The following UEVLD variants were observed in gnomAD, a reference collection of about 807,000 sequenced individuals.
The protein encoded by UEVLD is UEV and lactate/malate dehyrogenase domains.
A neutral mutation model predicts 58.6 loss-of-function variants in UEVLD; 47 were observed. The ratio of observed to expected loss-of-function variants is 0.80; its 90% CI spans 0.63 to 1.02. UEVLD has a LOEUF of 1.02. UEVLD is among the 50% of genes least tolerant of loss of function. The probability of loss-of-function intolerance (pLI) is 0.00; values close to 1 mark genes in which losing one functional copy is unlikely to be tolerated. For missense variants in UEVLD, 510 were observed against 550.6 expected (o/e 0.93, Z 0.74); for synonymous variants, 197 against 195.3 (o/e 1.01, Z -0.07).
chr11:18,546,918 T>A lies in UEVLD; in HGVS notation c.848A>T (p.Tyr283Phe). 6.2e-7 allele frequency: 1 copy of A among 1,613,914 alleles called. No individual in the cohort carries two copies. The highest frequency in any genetic ancestry group is 2.2e-5 in the East Asian group (1 of 44,880). The change falls in exon 8 of 12, where the codon TAT (tyrosine) becomes TTT (phenylalanine). Residue 283 changes from tyrosine to phenylalanine, a missense_variant. Physicochemically the swap from Tyr to Phe is conservative, Grantham distance 22. Coordinates refer to ENST00000396197, the MANE Select transcript of UEVLD (RefSeq NM_001040697.4). Reference sequence around the variant, plus strand: ...AACGAGCAGGACACTGTGTTGACTATAATGTCCCAGAGCTGGGACAAGGGC... The same window carrying A: ...AACGAGCAGGACACTGTGTTGACTAAAATGTCCCAGAGCTGGGACAAGGGC... ...FRALVPALGHYSQHSVLLVAS... is the reference protein window; with the variant it reads ...FRALVPALGHFSQHSVLLVAS...
Position 18,532,404 on chromosome 11 carries a change from G to C in UEVLD, c.1332C>G (p.Thr444=), listed in dbSNP as rs1012447596. ...GTNGVSEVIK[T]TLKEDTVTEK... is the part of the protein sequence containing the mutation. ...CAGTAACTGTATCTTCTTTCAGTGT[G>C]GTTTTGATAACTTCAGATACTCCAT... Residue 444 remains threonine (T), a synonymous_variant, in exon 12 of 12, where the codon ACC becomes ACG. Transcript: ENST00000396197. The C allele has an allele frequency of 6.2e-7, 1 of 1,613,346 alleles. No individual in the cohort carries two copies. The highest frequency in any genetic ancestry group is 1.3e-5 in the African/African-American group (1 of 74,960).
intron 3 of UEVLD, 92 bp from the exon 4 acceptor site, chr11:18,570,469 G>A (rs1010575591): frequency 8.1e-7 from 1 of 1,232,580 alleles, no homozygotes. Flanking sequence ...TGAGTAGGCT[G>A]GGGTGGTGGC....
intron 1 of UEVLD, among the ~76,000 whole-genome samples, chr11:18,586,988 C>A (rs761595340): frequency 6.6e-6 from 1 of 152,192 alleles, no homozygotes; most frequent in Non-Finnish European, 1.5e-5. Flanking sequence ...GCAGAGATCG[C>A]GCCACTGCAC....
At chr11:18,541,054 T>C (rs935598643) in intron 9 of UEVLD, among the ~76,000 whole-genome samples, 2 of 152,244 alleles carry the variant, frequency 1.3e-5, no homozygotes, top group African/African-American at 2.4e-5. Flanking sequence ...TTCTATTAGA[T>C]TGTTTTTTTC....
At chr11:18,563,103 C>CAAAAAA (rs111514140) in intron 6 of UEVLD, among the ~76,000 whole-genome samples, 14 of 119,946 alleles carry the variant, frequency 1.2e-4, no homozygotes, top group African/African-American at 3.3e-4. Flanking sequence ...TTGTGCTTAC[C>CAAAAAA]AAAAAAAAAA....
intron 9 of UEVLD, among the ~76,000 whole-genome samples, chr11:18,542,226 G>T (rs1160341446): frequency 6.6e-6 from 1 of 152,120 alleles, no homozygotes; most frequent in Non-Finnish European, 1.5e-5. Context: ...GACTAGAGGG[G>T]AAGAGGCAAA....
At chr11:18,540,750 G>C (rs1851017931) in intron 9 of UEVLD, among the ~76,000 whole-genome samples, 1 of 152,170 alleles carries the variant, frequency 6.6e-6, no homozygotes, top group African/African-American at 2.4e-5. Context: ...CCTCAAGACA[G>C]AATTACCACA....
chr11:18,568,736 GA>G (rs1852426871), intron 4 of UEVLD, among the ~76,000 whole-genome samples: 1 of 151,288 alleles, frequency 6.6e-6, no homozygotes, highest in Admixed American at 6.6e-5. Context: ...TAAAAATATA[GA>G]AAACCATAAA....
At chr11:18,565,189 T>C (rs1361424503) in intron 5 of UEVLD, among the ~76,000 whole-genome samples, 179 bp from the exon 6 acceptor site, 1 of 152,216 alleles carries the variant, frequency 6.6e-6, no homozygotes, top group African/African-American at 2.4e-5. Flanking sequence ...TCCTATTAAA[T>C]AGTCGACTAA....
At chr11:18,545,070 C>CTATA (rs1554976327) in intron 8 of UEVLD, among the ~76,000 whole-genome samples, 5 of 103,472 alleles carry the variant, frequency 4.8e-5, no homozygotes, top group Non-Finnish European at 1.1e-4. Context: ...ATATCTATAT[C>CTATA]TATATTTTTT....
chr11:18,543,749 AAG>A (rs1851166006), intron 9 of UEVLD, among the ~76,000 whole-genome samples: 1 of 152,238 alleles, frequency 6.6e-6, no homozygotes, highest in African/African-American at 2.4e-5. Flanking sequence ...GAAACAATAA[AAG>A]AGTAAGGGAA....
At chr11:18,547,129 T>G in intron 7 of UEVLD, 79 bp from the exon 8 acceptor site, 1 of 1,451,012 alleles carries the variant, frequency 6.9e-7, no homozygotes, top group Non-Finnish European at 9.2e-7. Flanking sequence ...AAGGTTGTTC[T>G]TTTCAACAAA....
intron 1 of UEVLD, among the ~76,000 whole-genome samples, chr11:18,581,336 G>A (rs1484595116): frequency 6.6e-6 from 1 of 152,072 alleles, no homozygotes; most frequent in Non-Finnish European, 1.5e-5. Context: ...TTAGAGAAAG[G>A]CCTCTGGAGA....
chr11:18,561,698 C>G (rs1029660395), intron 6 of UEVLD, among the ~76,000 whole-genome samples: 7 of 151,884 alleles, frequency 4.6e-5, no homozygotes. Context: ...AAAAATTACC[C>G]AGGTGTGGTG....
intron 7 of UEVLD, among the ~76,000 whole-genome samples, chr11:18,551,804 A>G (rs943914181): frequency 4.6e-5 from 7 of 152,218 alleles, no homozygotes; most frequent in African/African-American, 1.7e-4. Flanking sequence ...AACCTAAACC[A>G]AAGGCTGGTC....
At chr11:18,561,726 T>C (rs1200735157) in intron 6 of UEVLD, among the ~76,000 whole-genome samples, 2 of 150,738 alleles carry the variant, frequency 1.3e-5, no homozygotes, top group Non-Finnish European at 1.5e-5. Context: ...CCTGTAATCT[T>C]AGGCTAAGGA....
intron 10 of UEVLD, among the ~76,000 whole-genome samples, chr11:18,536,163 C>T (rs1052521709): frequency 6.6e-6 from 1 of 152,130 alleles, no homozygotes; most frequent in Non-Finnish European, 1.5e-5. Flanking sequence ...TCACTGTCTA[C>T]AAATAACATG....
chr11:18,575,905 G>A (rs60888561), intron 2 of UEVLD, among the ~76,000 whole-genome samples: 11 of 152,054 alleles, frequency 7.2e-5, no homozygotes, highest in African/African-American at 1.9e-4. Flanking sequence ...CCTCCACTAC[G>A]CCCCCTCAGC....
At chr11:18,534,262 ATT>A in intron 11 of UEVLD, 66 bp downstream of exon 11, 1 of 1,222,122 alleles carries the variant, frequency 8.2e-7, no homozygotes, top group Non-Finnish European at 1.1e-6. Flanking sequence ...ATGAATAATG[ATT>A]TTGTTAGTTT....
Sources: gnomAD v4.1 joint callset for allele counts (sites outside exome capture counted in the v4.1 genomes callset) on GRCh38, gnomAD v4.1.1 for gene constraint, MANE v1.5 for transcripts, NCBI Gene and HGNC (gene_info 2026-07-23, HGNC 2026-07-21) for gene names.